ARID1B: variants seen among roughly 807,000 people sequenced by gnomAD.
ARID1B encodes the protein AT-rich interactive domain-containing protein 1B.
ARID1B carries 30 observed loss-of-function variants against 212.3 expected under a neutral mutation model. The observed-to-expected ratio is 0.14, with a 90% CI of 0.11 to 0.19. The LOEUF is 0.19. Among genes scored for constraint, ARID1B ranks in the 10% least tolerant of loss-of-function variants. ARID1B has a pLI of 1.00. For missense variants in ARID1B, 2,891 were observed against 3,204.0 expected (o/e 0.90, Z 2.36); for synonymous variants, 1,402 against 1,301.7 (o/e 1.08, Z -1.66).
At chr6:156,873,595 T>A (rs970486706) in intron 2 of ARID1B, among the ~76,000 whole-genome samples, 1 of 152,248 alleles carries the variant, frequency 6.6e-6, no homozygotes, top group African/African-American at 2.4e-5. Context: ...GTTGTGTTTC[T>A]ATGGTTGGCT....
intron 2 of ARID1B, among the ~76,000 whole-genome samples, chr6:156,881,078 G>A (rs1787046265): frequency 6.6e-6 from 1 of 152,166 alleles, no homozygotes; most frequent in African/African-American, 2.4e-5. Flanking sequence ...TGTTGCCTGG[G>A]GCCTGCAGGA....
chr6:156,862,528 A>T (rs1393245945), intron 2 of ARID1B, among the ~76,000 whole-genome samples: 2 of 152,200 alleles, frequency 1.3e-5, no homozygotes, highest in African/African-American at 4.8e-5. Context: ...CATAAAATGG[A>T]TGGATGTGGG....
chr6:156,882,612 G>T (rs1055899550), intron 2 of ARID1B, among the ~76,000 whole-genome samples: 1 of 152,152 alleles, frequency 6.6e-6, no homozygotes, highest in African/African-American at 2.4e-5. Context: ...CAGAAATATA[G>T]CACGGTTCCC....
At position 157,127,806 on chromosome 6, in the gene ARID1B, AC is replaced by A. The variant is rs766327327; in HGVS notation, c.2582-5221del. ...CTCAAAAAAAAAAAAAAAAAAAAAA[AC>A]AAAAATTAGCCAGGCATGGTGGTGC... On this transcript the variant is annotated intron_variant, in intron 6 of 19. Coordinates refer to ENST00000636930, the MANE Select transcript of ARID1B (RefSeq NM_001374828.1). 2.5e-3 allele frequency among the ~76,000 whole-genome samples: 348 copies of A among 137,914 alleles called. 11 individuals are homozygous for A. The highest frequency in any genetic ancestry group is 9.7e-3 in the African/African-American group (312 of 32,176). The allele number at this position is 137,914 out of a possible 152,430, so 90.5% of individuals were successfully genotyped here. A position where few individuals can be genotyped will look rare whatever the true frequency, so the allele number is the denominator to read the frequency against.
At chr6:156,965,701 C>G (rs960615788) in intron 4 of ARID1B, among the ~76,000 whole-genome samples, 1 of 152,000 alleles carries the variant, frequency 6.6e-6, no homozygotes, top group Non-Finnish European at 1.5e-5. Flanking sequence ...ATTTTGGAAC[C>G]TAATGGAGAA....
intron 2 of ARID1B, among the ~76,000 whole-genome samples, chr6:156,872,204 A>G (rs1311217050): frequency 1.3e-5 from 2 of 152,224 alleles, no homozygotes; most frequent in African/African-American, 4.8e-5. Flanking sequence ...GGATTAGTCG[A>G]TGAGATTTCA....
intron 4 of ARID1B, among the ~76,000 whole-genome samples, chr6:157,027,020 C>T: frequency 6.6e-6 from 1 of 152,030 alleles, no homozygotes; most frequent in East Asian, 1.9e-4. Flanking sequence ...CTGTATTAAG[C>T]AATTTATGTG....
chr6:156,811,316 A>G (rs963107318), intron 1 of ARID1B, among the ~76,000 whole-genome samples: 1 of 152,130 alleles, frequency 6.6e-6, no homozygotes, highest in Non-Finnish European at 1.5e-5. Flanking sequence ...ACTCAAGAGG[A>G]GAGGATTACA....
At chr6:157,191,816 G>C (rs1435378959) in intron 15 of ARID1B, among the ~76,000 whole-genome samples, 1 of 152,114 alleles carries the variant, frequency 6.6e-6, no homozygotes, top group Non-Finnish European at 1.5e-5. Context: ...TACTTACTCT[G>C]GAATCCCTTA....
At chr6:156,887,925 T>C (rs1787644229) in intron 2 of ARID1B, among the ~76,000 whole-genome samples, 1 of 152,210 alleles carries the variant, frequency 6.6e-6, no homozygotes, top group African/African-American at 2.4e-5. Flanking sequence ...CCCTTCCAAA[T>C]TGGAAGATAC....
At chr6:156,957,006 A>G (rs921128395) in intron 4 of ARID1B, among the ~76,000 whole-genome samples, 1 of 152,208 alleles carries the variant, frequency 6.6e-6, no homozygotes, top group Non-Finnish European at 1.5e-5. Flanking sequence ...AAGACTCTCA[A>G]ATTCTTGGCA....
intron 3 of ARID1B, among the ~76,000 whole-genome samples, chr6:156,914,893 T>G (rs897366519): frequency 2.0e-5 from 3 of 152,168 alleles, no homozygotes; most frequent in Admixed American, 2.0e-4. Flanking sequence ...AGCCCACTTT[T>G]TTTTTCTTTT....
At chr6:157,086,724 T>A (rs1338489587) in intron 5 of ARID1B, among the ~76,000 whole-genome samples, 1 of 152,178 alleles carries the variant, frequency 6.6e-6, no homozygotes, top group African/African-American at 2.4e-5. Flanking sequence ...ACAGAAAAGC[T>A]CACTTCGGGC....
chr6:156,930,986 A>C (rs149797998), intron 3 of ARID1B, among the ~76,000 whole-genome samples: 2,990 of 152,152 alleles, frequency 0.02, 78 homozygotes, highest in African/African-American at 0.063. Flanking sequence ...GTCAGGAGAT[A>C]GAGACCATTC....
intron 4 of ARID1B, among the ~76,000 whole-genome samples, chr6:157,000,263 T>C (rs1778830819): frequency 6.6e-6 from 1 of 152,170 alleles, no homozygotes; most frequent in African/African-American, 2.4e-5. Context: ...GACTGGAGTC[T>C]GCAGGCTTCT....
chr6:156,799,949 G>T (rs896267673), intron 1 of ARID1B, among the ~76,000 whole-genome samples: 72 of 152,134 alleles, frequency 4.7e-4, no homozygotes, highest in African/African-American at 1.6e-3. Flanking sequence ...TGTTTTCGGG[G>T]TCCTAGGTGA....
chr6:157,121,888 A>G (rs1388722136), intron 6 of ARID1B, among the ~76,000 whole-genome samples: 1 of 152,160 alleles, frequency 6.6e-6, no homozygotes, highest in East Asian at 1.9e-4. Flanking sequence ...TCAGCCTCCA[A>G]AAGTGCTGGG....
Position 157,190,759 on chromosome 6 carries a change from T to C in ARID1B, c.4231+549T>C, listed in dbSNP as rs770123067. Among the ~76,000 whole-genome samples, 9 of 152,048 alleles carry C rather than the reference T, an allele frequency of 5.9e-5. No homozygotes were observed. Among genetic ancestry groups the C allele is most frequent in the Non-Finnish European group, 1.2e-4 (8 of 68,012 alleles). On this transcript the variant is annotated intron_variant, in intron 15 of 19. Transcript: ENST00000636930. This position sits in a 1 kb window ranked among gnomAD's most constrained non-coding sequence, Gnocchi z 4.6. ...AAGCAAAAAATAAGTTAAGCACAAA[T>C]AAGCAGTTAAAGATTGTGGTTGGTG...
chr6:157,122,967 C>T (rs891136137), intron 6 of ARID1B, among the ~76,000 whole-genome samples: 13 of 152,178 alleles, frequency 8.5e-5, no homozygotes, highest in African/African-American at 2.9e-4. Context: ...CAGGCATGAG[C>T]CACCGTGCCC....
Sources: allele counts gnomAD v4.1 joint callset (sites outside exome capture counted in the v4.1 genomes callset), GRCh38; gene constraint gnomAD v4.1.1; non-coding constraint Gnocchi (gnomAD v3.1); transcripts MANE v1.5; gene names NCBI Gene and HGNC (gene_info 2026-07-23, HGNC 2026-07-21).